INPP5D: variants seen among roughly 807,000 people sequenced by gnomAD.
The protein encoded by INPP5D is phosphatidylinositol 3,4,5-trisphosphate 5-phosphatase 1.
INPP5D carries 33 observed loss-of-function variants against 122.9 expected under a neutral mutation model. The observed-to-expected ratio is 0.27, with a 90% CI of 0.20 to 0.36. The LOEUF (loss-of-function observed/expected upper bound fraction) is 0.36, where lower values mean the gene tolerates loss of function less well. Among genes scored for constraint, INPP5D ranks in the 10% least tolerant of loss-of-function variants. The probability of loss-of-function intolerance (pLI) is 1.00; values close to 1 mark genes in which losing one functional copy is unlikely to be tolerated. For synonymous variants in INPP5D, 584 were observed against 576.2 expected, an observed-to-expected ratio of 1.01 and a Z score of -0.19; for missense variants, 1,053 against 1,412.7, an observed-to-expected ratio of 0.75 and a Z score of 4.08.
intron 9 of INPP5D, among the ~76,000 whole-genome samples, chr2:233,155,650 A>G (rs1415462880): frequency 2.6e-4 from 1 of 3,844 alleles, no homozygotes; most frequent in East Asian, 0.05. Flanking sequence ...AAATAAATAA[A>G]TAAATAAATA....
At chr2:233,081,902 A>G (rs560145959) in intron 2 of INPP5D, among the ~76,000 whole-genome samples, 89 of 152,158 alleles carry the variant, frequency 5.8e-4, no homozygotes, top group African/African-American at 2.1e-3. Context: ...TCTCCGCATG[A>G]GCCACTCAGG....
chr2:233,182,516 G>A lies in INPP5D; in HGVS notation c.2161+17G>A, dbSNP rs780130818. On this transcript the variant is annotated intron_variant, in intron 19 of 26. Coordinates refer to ENST00000445964, the MANE Select transcript of INPP5D (RefSeq NM_001017915.3). The stretch of plus-strand genomic sequence containing the variant: ...CCAAGAACGGTAAGCAAAGGATGGT[G>A]TCTGTTTCTCTGTTTTCCTCAATGA... 37 of 1,611,722 alleles carry A rather than the reference G, an allele frequency of 2.3e-5. No homozygotes were observed. In the African/African-American group the frequency reaches 4.5e-4, roughly 20 times the overall value.
At chr2:233,174,185 C>T (rs1694562782) in intron 17 of INPP5D, among the ~76,000 whole-genome samples, 1 of 152,214 alleles carries the variant, frequency 6.6e-6, no homozygotes, top group African/African-American at 2.4e-5. Flanking sequence ...ATATCGTAAA[C>T]ACGGAAATGA....
intron 2 of INPP5D, among the ~76,000 whole-genome samples, chr2:233,092,934 G>A (rs1362509465): frequency 6.6e-6 from 1 of 152,166 alleles, no homozygotes; most frequent in Non-Finnish European, 1.5e-5. Flanking sequence ...CCCTGACAGG[G>A]CTTAGTAGAT....
chr2:233,083,435 T>C (rs980034432), intron 2 of INPP5D, among the ~76,000 whole-genome samples: 6 of 152,318 alleles, frequency 3.9e-5, no homozygotes, highest in South Asian at 2.1e-4. Flanking sequence ...GAGAACCTTC[T>C]GGACTCAGCT....
intron 5 of INPP5D, among the ~76,000 whole-genome samples, chr2:233,138,077 C>T (rs1693541891): frequency 1.5e-5 from 2 of 129,138 alleles, no homozygotes; most frequent in Admixed American, 1.6e-4. Context: ...GTAGGCCGGG[C>T]CTGGTGGCTC....
At chr2:233,075,990 C>T (rs2106206312) in intron 1 of INPP5D, among the ~76,000 whole-genome samples, 1 of 152,256 alleles carries the variant, frequency 6.6e-6, no homozygotes, top group South Asian at 2.1e-4. Flanking sequence ...GTTTCTAGAA[C>T]ATCTTTGAAA....
Position 233,163,787 on chromosome 2 carries a change from T to C in INPP5D, c.1321T>C (p.Tyr441His), listed in dbSNP as rs775982903. 4 of 1,614,020 alleles carry C rather than the reference T, an allele frequency of 2.5e-6. No individual in the cohort carries two copies. The highest frequency in any genetic ancestry group is 3.4e-6 in the Non-Finnish European group (4 of 1,179,902). Reference protein sequence around the residue: ...QGKTRDDSADYIPHDIYVIGT... With the variant: ...QGKTRDDSADHIPHDIYVIGT... ...AAAGACGCGGGACGACTCTGCGGAC[T>C]ACATCCCCCATGACATTTACGTGAT... Residue 441 changes from tyrosine (Y) to histidine (H), a missense_variant, in exon 12 of 27, where the codon TAC (tyrosine) becomes CAC (histidine). Coordinates refer to ENST00000445964, the MANE Select transcript of INPP5D (RefSeq NM_001017915.3).
chr2:233,194,079 C>T, intron 23 of INPP5D, 118 bp downstream of exon 23: 1 of 1,409,206 alleles, frequency 7.1e-7, no homozygotes, highest in South Asian at 1.5e-5. Flanking sequence ...AGCAGAAATC[C>T]AGCACTGGAA....
intron 2 of INPP5D, among the ~76,000 whole-genome samples, chr2:233,109,132 T>G (rs1692542205): frequency 6.6e-6 from 1 of 152,232 alleles, no homozygotes; most frequent in Non-Finnish European, 1.5e-5. Flanking sequence ...GAGACCTGCC[T>G]TGCTCTTCTG....
rs1227355817 is a variant in INPP5D, at chr2:233,204,539, A to G, written c.3389A>G (p.Asn1130Ser). 2 of 1,577,660 alleles carry G rather than the reference A, an allele frequency of 1.3e-6. No individual in the cohort carries two copies. The highest frequency in any genetic ancestry group is 1.7e-6 in the Non-Finnish European group (2 of 1,163,412). The change falls in exon 26 of 27, where the codon AAC becomes AGC. Residue 1130 changes from asparagine (N) to serine (S), a missense_variant. Asn to Ser is a conservative substitution (Grantham distance 46). Transcript: ENST00000445964. ...ATCAAGCCTTCCAGATCGGAAATCA[A>G]CCAGCAGACCCCGCCCACCCCGACG... ...RPIKPSRSEI[N>S]QQTPPTPTPR...
At chr2:233,144,844 A>G (rs1693717487) in intron 6 of INPP5D, among the ~76,000 whole-genome samples, 1 of 151,982 alleles carries the variant, frequency 6.6e-6, no homozygotes, top group Admixed American at 6.6e-5. Context: ...CCTATTGATC[A>G]TGNCAGTGCC....
At position 233,130,907 on chromosome 2, in the gene INPP5D, G is replaced by T. The variant is rs1054965925; in HGVS notation, c.665+259G>T. ...AGGCCAGTTGCTCTGGGAAGCGGAT[G>T]GGGTGGGAGGACATGGCCAGCCCTT... On this transcript the variant is annotated intron_variant, in intron 5 of 26. Transcript: ENST00000445964. 102 of 625,024 alleles carry T rather than the reference G, an allele frequency of 1.6e-4. No individual in the cohort carries two copies. The Admixed American group carries it at 2.1e-3, about 13-fold the overall frequency. 38.7% of individuals were successfully genotyped at this position (625,024 alleles called of 1,614,324 possible). A position where few individuals can be genotyped will look rare whatever the true frequency, so the allele number is the denominator to read the frequency against.
Position 233,150,149 on chromosome 2 carries a change from T to A in INPP5D, c.1030+2555T>A, listed in dbSNP as rs138410813. ...CTTATCTGTTGATATGATTTGGCTG[T>A]GTCCCCACCCAAATCTCATCTTGAA... On this transcript the variant is annotated intron_variant, in intron 9 of 26. Transcript: ENST00000445964. Among the ~76,000 whole-genome samples, 131 of 152,306 alleles carry A rather than the reference T, an allele frequency of 8.6e-4. 1 individual carries two copies. Among genetic ancestry groups the A allele is most frequent in the African/African-American group, 3.0e-3 (124 of 41,544 alleles).
chr2:233,120,615 G>A (rs1444940729), intron 2 of INPP5D: 1 of 152,374 alleles, frequency 6.6e-6, no homozygotes, highest in African/African-American at 2.4e-5. Context: ...ACCCAGAAGG[G>A]GTGCCTCTTT....
At chr2:233,142,050 G>A (rs1272435256) in intron 6 of INPP5D, among the ~76,000 whole-genome samples, 1 of 152,248 alleles carries the variant, frequency 6.6e-6, no homozygotes, top group African/African-American at 2.4e-5. Context: ...AGTAGTTTGA[G>A]TGGAAGAACA....
intron 2 of INPP5D, among the ~76,000 whole-genome samples, chr2:233,091,095 A>G (rs1204917646): frequency 2.3e-4 from 35 of 151,562 alleles, no homozygotes; most frequent in Non-Finnish European, 8.8e-5. Context: ...ATGACACTAA[A>G]CTCCTTCCTG....
intron 1 of INPP5D, among the ~76,000 whole-genome samples, chr2:233,062,808 A>G (rs966543922): frequency 1.3e-5 from 2 of 152,122 alleles, no homozygotes; most frequent in Middle Eastern, 3.4e-3. Context: ...GTTGCTATGG[A>G]CCTGCAGACT....
At position 233,064,755 on chromosome 2, in the gene INPP5D, G is replaced by A. The variant is rs950691907; in HGVS notation, c.134+4143G>A. On this transcript the variant is annotated intron_variant, in intron 1 of 26. Transcript: ENST00000445964. ...GCAGAGCCTGGAGAGGGAACTTCTC[G>A]TGATGGAGCCGCAGAGAAGGGACTT... is the stretch of plus-strand genomic sequence containing the variant. Among the ~76,000 whole-genome samples the A allele has an allele frequency of 3.9e-5, 6 of 152,194 alleles. No individual in the cohort carries two copies. The South Asian group carries it at 1.2e-3, about 31-fold the overall frequency.
Sources: gnomAD v4.1 joint callset for allele counts (sites outside exome capture counted in the v4.1 genomes callset) on GRCh38, gnomAD v4.1.1 for gene constraint, MANE v1.5 for transcripts, NCBI Gene and HGNC (gene_info 2026-07-23, HGNC 2026-07-21) for gene names.